Variants in SH3D19 observed in about 807,000 individuals in gnomAD.
SH3D19 encodes the protein SH3 domain containing 19, also known as SH3 domain-containing protein 19.
SH3D19 carries 58 observed loss-of-function variants against 112.1 expected under a neutral mutation model. That is an observed-to-expected ratio of 0.52 (90% CI 0.42 to 0.64). SH3D19 has a LOEUF of 0.64. SH3D19 is among the 30% of genes least tolerant of loss of function. SH3D19 has a pLI of 0.00. For missense variants in SH3D19, 1,090 were observed against 1,263.4 expected, an observed-to-expected ratio of 0.86 and a Z score of 2.08; for synonymous variants, 391 against 448.5, an observed-to-expected ratio of 0.87 and a Z score of 1.62.
At chr4:151,232,615 T>C (rs1561386129) in intron 1 of SH3D19, among the ~76,000 whole-genome samples, 1 of 152,154 alleles carries the variant, frequency 6.6e-6, no homozygotes, top group Non-Finnish European at 1.5e-5. Context: ...ATACTATCCT[T>C]ATGGAGTTTT....
At chr4:151,232,422 A>G (rs549927538) in intron 1 of SH3D19, among the ~76,000 whole-genome samples, 5 of 152,174 alleles carry the variant, frequency 3.3e-5, no homozygotes, top group Non-Finnish European at 7.3e-5. Flanking sequence ...TAAATGAGAT[A>G]ATGCCAGTGA....
At chr4:151,245,478 C>CT (rs1358656476) in intron 1 of SH3D19, among the ~76,000 whole-genome samples, 1 of 152,166 alleles carries the variant, frequency 6.6e-6, no homozygotes, top group East Asian at 1.9e-4. Context: ...CCCAGAGTTT[C>CT]TAGATATTCC....
chr4:151,251,937 G>A (rs1771441506), intron 1 of SH3D19, among the ~76,000 whole-genome samples: 1 of 152,120 alleles, frequency 6.6e-6, no homozygotes, highest in South Asian at 2.1e-4. Flanking sequence ...TTTCTCAATG[G>A]ATAATTTCTA....
intron 2 of SH3D19, among the ~76,000 whole-genome samples, chr4:151,214,387 A>C (rs2149915389): frequency 8.2e-6 from 1 of 121,648 alleles, no homozygotes; most frequent in African/African-American, 2.7e-5. Flanking sequence ...TGTTGGGCAC[A>C]CCTCCCAGAC....
chr4:151,305,784 A>T (rs1378401625), intron 1 of SH3D19, among the ~76,000 whole-genome samples: 1 of 152,256 alleles, frequency 6.6e-6, no homozygotes, highest in Non-Finnish European at 1.5e-5. Flanking sequence ...TTATAAAGTT[A>T]AATTTATATT....
intron 1 of SH3D19, among the ~76,000 whole-genome samples, chr4:151,309,592 C>A (rs1047693673): frequency 6.6e-6 from 1 of 152,078 alleles, no homozygotes; most frequent in Non-Finnish European, 1.5e-5. Flanking sequence ...ATACAAACAC[C>A]CAATGGGTAC....
intron 1 of SH3D19, among the ~76,000 whole-genome samples, chr4:151,275,205 G>A (rs567368942): frequency 5.9e-5 from 9 of 151,788 alleles, no homozygotes; most frequent in African/African-American, 2.2e-4. Flanking sequence ...TCCTGCCTCA[G>A]CCTCCCAAGT....
rs1309431683 is a variant in SH3D19, at chr4:151,301,085, A to C, written c.112+24156T>G. ...ACGGTTTGGATCTGTGTCCCCACCC[A>C]AATCTCATGTCAAATTGTAATCCTC... On this transcript the variant is annotated intron_variant, in intron 1 of 19. Transcript: ENST00000604030. 5.9e-5 allele frequency among the ~76,000 whole-genome samples: 9 copies of C among 152,310 alleles called. No individual in the cohort carries two copies. The East Asian group carries it at 1.7e-3, about 29-fold the overall frequency.
At chr4:151,182,744 T>C (rs761569393) in intron 3 of SH3D19, among the ~76,000 whole-genome samples, 12 of 152,236 alleles carry the variant, frequency 7.9e-5, no homozygotes, top group Non-Finnish European at 1.8e-4. Flanking sequence ...TGTTGTCTCA[T>C]GCTCTTTGTG....
At chr4:151,311,614 G>T (rs1338149501) in intron 1 of SH3D19, among the ~76,000 whole-genome samples, 2 of 151,698 alleles carry the variant, frequency 1.3e-5, no homozygotes, top group Non-Finnish European at 2.9e-5. Context: ...CAAAGTGGGA[G>T]GATCACTTGG....
At chr4:151,302,156 C>T (rs1432812135) in intron 1 of SH3D19, among the ~76,000 whole-genome samples, 1 of 152,206 alleles carries the variant, frequency 6.6e-6, no homozygotes, top group Non-Finnish European at 1.5e-5. Flanking sequence ...ATACATGTCA[C>T]TTCTGAGCAT....
chr4:151,249,996 C>G (rs949100167), intron 1 of SH3D19, among the ~76,000 whole-genome samples: 1 of 152,044 alleles, frequency 6.6e-6, no homozygotes, highest in South Asian at 2.1e-4. Flanking sequence ...AATGTAGGGA[C>G]TGGGGGAAGA....
At chr4:151,208,073 G>A (rs756930461) in intron 2 of SH3D19, among the ~76,000 whole-genome samples, 16 of 152,152 alleles carry the variant, frequency 1.1e-4, no homozygotes, top group Non-Finnish European at 2.2e-4. Flanking sequence ...TAATTTACAC[G>A]TCACTATAAA....
chr4:151,322,557 ATATTT>A (rs1269568783), intron 1 of SH3D19, among the ~76,000 whole-genome samples: 2 of 151,732 alleles, frequency 1.3e-5, no homozygotes, highest in Admixed American at 6.6e-5. Flanking sequence ...CATGCTGAAG[ATATTT>A]TATTACTTTA....
intron 19 of SH3D19, among the ~76,000 whole-genome samples, chr4:151,124,658 C>G (rs1748774201): frequency 6.6e-6 from 1 of 151,906 alleles, no homozygotes; most frequent in South Asian, 2.1e-4. Context: ...GCGGAGGTTG[C>G]AGTGAGCCGA....
Position 151,122,116 on chromosome 4 carries a change from T to C in SH3D19, c.3119A>G (p.Tyr1040Cys). Residue 1040 changes from tyrosine to cysteine, a missense_variant, in exon 20 of 20, where the codon TAC (tyrosine) becomes TGC (cysteine). Physicochemically the swap from Tyr to Cys is radical, Grantham distance 194 (BLOSUM62 -2). Coordinates refer to ENST00000604030, the MANE Select transcript of SH3D19 (RefSeq NM_001378122.1). The part of the protein sequence containing the change: ...MGKSGIFPKN[Y>C]IQFLQIS ...CTAGCTGATCTGTAGAAACTGTATG[T>C]AGTTTTTGGGAAATATTCCAGATTT... is the stretch of plus-strand genomic sequence containing the variant. 6.3e-7 allele frequency: 1 copy of C among 1,599,250 alleles called. No homozygotes were observed. Among genetic ancestry groups the C allele is most frequent in the Non-Finnish European group, 8.6e-7 (1 of 1,166,630 alleles).
intron 11 of SH3D19, chr4:151,144,271 T>C: frequency 6.2e-7 from 1 of 1,614,038 alleles, no homozygotes; most frequent in Non-Finnish European, 8.5e-7. Context: ...CATTGGCAAT[T>C]CCATGAGGCA....
chr4:151,125,845 C>CAAAAAAAAAAAAAAAAAAAA (rs66688611), intron 19 of SH3D19, among the ~76,000 whole-genome samples: 1 of 94,238 alleles, frequency 1.1e-5, no homozygotes, highest in African/African-American at 3.8e-5. Flanking sequence ...ATCTCAAAAA[C>CAAAAAAAAAAAAAAAAAAAA]AAAAAAAAAA....
intron 6 of SH3D19, 94 bp downstream of exon 6, chr4:151,176,440 T>C: frequency 8.8e-6 from 9 of 1,024,054 alleles, no homozygotes; most frequent in Non-Finnish European, 1.1e-5. Context: ...CAATGAATTA[T>C]GCACAAATTG....
Sources: allele counts gnomAD v4.1 joint callset (sites outside exome capture counted in the v4.1 genomes callset), GRCh38; gene constraint gnomAD v4.1.1; transcripts MANE v1.5; gene names NCBI Gene and HGNC (gene_info 2026-07-23, HGNC 2026-07-21).